Variants in ITPR3 observed in about 807,000 individuals in gnomAD.
ITPR3 encodes inositol 1,4,5-trisphosphate-gated calcium channel ITPR3.
A neutral mutation model predicts 293.2 loss-of-function variants in ITPR3; 173 were observed. That is an observed-to-expected ratio of 0.59 (90% CI 0.52 to 0.67). ITPR3 has a LOEUF of 0.67. Among genes scored for constraint, ITPR3 ranks in the 30% least tolerant of loss-of-function variants. The pLI, the probability that ITPR3 is intolerant of heterozygous loss-of-function variation, is 0.00. For synonymous variants in ITPR3, 1,295 were observed against 1,444.4 expected (o/e 0.90, Z 2.35); for missense variants, 2,796 against 3,592.1 (o/e 0.78, Z 5.66).
Position 33,687,975 on chromosome 6 carries a change from C to T in ITPR3, c.6265-82C>T, listed in dbSNP as rs904033903. 26 of 1,118,262 alleles carry T rather than the reference C, an allele frequency of 2.3e-5. No individual in the cohort carries two copies. Among genetic ancestry groups the T allele is most frequent in the East Asian group, 2.3e-4 (9 of 39,566 alleles). The allele number at this position is 1,118,262 out of a possible 1,614,324, so 69.3% of individuals were successfully genotyped here. A position where few individuals can be genotyped will look rare whatever the true frequency, so the allele number is the denominator to read the frequency against. On this transcript the variant is annotated intron_variant, in intron 46 of 57. Transcript: ENST00000605930. This position sits in a 1 kb window ranked among gnomAD's most constrained non-coding sequence, Gnocchi z 5.3. ...CGCTGAAGTGTAGTTCAGAGCTAGG[C>T]GAAGGCCTGGGAGGGTGGGGGCTGA... is the stretch of plus-strand genomic sequence containing the variant.
At chr6:33,629,954 C>G (rs11754015) in intron 1 of ITPR3, among the ~76,000 whole-genome samples, 146,171 of 152,084 alleles carry the variant, frequency 0.96, 70,385 homozygotes, top group East Asian at 1. Flanking sequence ...AGCTGGGCAT[C>G]GTGGCACATG....
chr6:33,666,807 G>C lies in ITPR3; in HGVS notation c.1552-322G>C, dbSNP rs939128099. Among the ~76,000 whole-genome samples, 1 of 152,148 alleles carries C rather than the reference G, an allele frequency of 6.6e-6. No individual in the cohort carries two copies. Among genetic ancestry groups the C allele is most frequent in the Non-Finnish European group, 1.5e-5 (1 of 68,036 alleles). On this transcript the variant is annotated intron_variant, in intron 14 of 57. Transcript: ENST00000605930. The surrounding 1 kb of genome is among the most constrained non-coding windows in gnomAD (Gnocchi z 5.1). The stretch of plus-strand genomic sequence containing the variant: ...TCTTAAGCTCTGGCCACAGCGGTCC[G>C]GCCTGCCTTTTCTCTTAGCCTTAGA...
At position 33,688,326 on chromosome 6, in the gene ITPR3, C is replaced by T. The variant is rs1021720336; in HGVS notation, c.6463C>T (p.Leu2155Phe). 6.2e-7 allele frequency: 1 copy of T among 1,614,152 alleles called. No individual in the cohort carries two copies. The highest frequency in any genetic ancestry group is 8.5e-7 in the Non-Finnish European group (1 of 1,180,010). The change falls in exon 48 of 58, where the codon CTC (leucine) becomes TTC (phenylalanine). Residue 2155 changes from leucine to phenylalanine, a missense_variant. Leu to Phe is a conservative substitution (Grantham distance 22). Coordinates refer to ENST00000605930, the MANE Select transcript of ITPR3 (RefSeq NM_002224.4). ...CCTGACGGAGGAAACCAAGCACCGG[C>T]TCTTCACCACTACTGAGCAGGACGA... The part of the protein sequence containing the change: ...QFLTEETKHR[L>F]FTTTEQDEQG...
Position 33,682,570 on chromosome 6 carries a change from T to C in ITPR3, c.4523T>C (p.Leu1508Pro). The change falls in exon 34 of 58, where the codon CTC (leucine) becomes CCC (proline). Residue 1508 changes from leucine to proline, a missense_variant. Leu to Pro is a moderately conservative substitution (Grantham distance 98). Transcript: ENST00000605930. This position sits in a 1 kb window ranked among gnomAD's most constrained non-coding sequence, Gnocchi z 5.4. Reference protein sequence around the residue: ...VVQLLQSTTRLLECPWLQQQH... With the variant: ...VVQLLQSTTRPLECPWLQQQH... ...CAGCTGCTGCAGTCTACCACACGCC[T>C]CCTCGAGTGTCCGTGGCTACAGCAG... The C allele has an allele frequency of 6.3e-7, 1 of 1,589,868 alleles. No homozygotes were observed. The highest frequency in any genetic ancestry group is 8.6e-7 in the Non-Finnish European group (1 of 1,167,880).
rs1488373123 is a variant in ITPR3 at position 33,621,588 on chromosome 6, C to T, written c.-15C>T. 1.9e-6 allele frequency: 3 copies of T among 1,574,484 alleles called. No homozygotes were observed. Among genetic ancestry groups the T allele is most frequent in the African/African-American group, 1.3e-5 (1 of 74,278 alleles). ...TAGGCGCCCCCCACGCCCTGGGCCCCGGAGGGCCGCAGCCATGAGTGAAAT... is the reference window on the plus strand; with the variant it reads ...TAGGCGCCCCCCACGCCCTGGGCCCTGGAGGGCCGCAGCCATGAGTGAAAT... On this transcript the variant is annotated 5_prime_UTR_variant, in exon 1 of 58. Coordinates refer to ENST00000605930, the MANE Select transcript of ITPR3 (RefSeq NM_002224.4). This position sits in a 1 kb window ranked among gnomAD's most constrained non-coding sequence, Gnocchi z 7.7.
At chr6:33,673,772 A>G in intron 23 of ITPR3, 52 bp downstream of exon 23, 2 of 1,600,726 alleles carry the variant, frequency 1.2e-6, no homozygotes, top group Non-Finnish European at 1.7e-6. Flanking sequence ...TCCCAGGGAT[A>G]CACAGCAGTG....
At position 33,671,185 on chromosome 6, in the gene ITPR3, T is replaced by C. The variant is rs371048679; in HGVS notation, c.2607T>C (p.Asn869=). ...LTFEVVSLAH[N]LIYFGFYSFS... ...CGCAGGTGGTCAGCCTGGCGCACAA[T>C]CTCATCTACTTCGGCTTCTACAGCT... The change falls in exon 21 of 58, where the codon AAT becomes AAC. Residue 869 remains asparagine (N), a synonymous_variant. Coordinates refer to ENST00000605930, the MANE Select transcript of ITPR3 (RefSeq NM_002224.4). 4 of 1,613,374 alleles carry C rather than the reference T, an allele frequency of 2.5e-6. No homozygotes were observed. The highest frequency in any genetic ancestry group is 1.7e-6 in the Non-Finnish European group (2 of 1,179,840).
At chr6:33,661,776 C>T (rs1764474398) in intron 7 of ITPR3, among the ~76,000 whole-genome samples, 1 of 151,846 alleles carries the variant, frequency 6.6e-6, no homozygotes, top group East Asian at 1.9e-4. Context: ...GGGTGAATTG[C>T]CTGAGCTTAG....
At chr6:33,681,399 G>C (rs1582155627) in intron 33 of ITPR3, among the ~76,000 whole-genome samples, 1 of 152,190 alleles carries the variant, frequency 6.6e-6, no homozygotes, top group Non-Finnish European at 1.5e-5. Context: ...TGATCATAGT[G>C]ATCTTAGAAC....
chr6:33,664,971 T>C lies in ITPR3; in HGVS notation c.1248+2T>C. 1 of 1,290,394 alleles carries C rather than the reference T, an allele frequency of 7.7e-7. No homozygotes were observed. Among genetic ancestry groups the C allele is most frequent in the Non-Finnish European group, 1.1e-6 (1 of 922,620 alleles). 79.9% of individuals were successfully genotyped at this position (1,290,394 alleles called of 1,614,324 possible). On this transcript the variant is annotated splice_donor_variant, in intron 12 of 57. Transcript: ENST00000605930. LOFTEE classifies it high-confidence loss of function. This position sits in a 1 kb window ranked among gnomAD's most constrained non-coding sequence, Gnocchi z 4.4. ...GAGGAGCGGCCCATCCGGCTCATGGTGCGTGTCCCTGGGGTGGGGGTGGGG... is the reference window on the plus strand; with the variant it reads ...GAGGAGCGGCCCATCCGGCTCATGGCGCGTGTCCCTGGGGTGGGGGTGGGG...
chr6:33,637,631 G>C (rs1763853889), intron 1 of ITPR3, among the ~76,000 whole-genome samples: 1 of 150,334 alleles, frequency 6.7e-6, no homozygotes, highest in African/African-American at 2.5e-5. Context: ...ACTACACCCA[G>C]CGATTTTTTT....
intron 25 of ITPR3, 58 bp from the exon 26 acceptor site, chr6:33,676,710 T>A: frequency 6.3e-7 from 1 of 1,598,822 alleles, no homozygotes; most frequent in South Asian, 1.1e-5. Context: ...GCTGGAGGTC[T>A]CTAAGTGGCA....
At position 33,683,402 on chromosome 6, in the gene ITPR3, G is replaced by A; in HGVS notation, c.4788+5G>A. The A allele has an allele frequency of 2.0e-6, 3 of 1,536,352 alleles. No individual in the cohort carries two copies. The highest frequency in any genetic ancestry group is 2.6e-6 in the Non-Finnish European group (3 of 1,134,536). ...AACATCATTGAGAAGCTGCAGGTGG[G>A]TGTGGGGCTGCCTGGCATCTGCCTC... On this transcript the variant is annotated splice_donor_5th_base_variant and intron_variant, in intron 35 of 57. Transcript: ENST00000605930. This position sits in a 1 kb window ranked among gnomAD's most constrained non-coding sequence, Gnocchi z 4.5.
rs1197603178 is a variant in ITPR3, at chr6:33,686,575, G to A, written c.5979+56G>A. The A allele has an allele frequency of 6.9e-6, 9 of 1,303,390 alleles. No individual in the cohort carries two copies. The Admixed American group carries it at 1.5e-4, about 22-fold the overall frequency. The allele number at this position is 1,303,390 out of a possible 1,614,324, so 80.7% of individuals were successfully genotyped here. On this transcript the variant is annotated intron_variant, in intron 43 of 57. Coordinates refer to ENST00000605930, the MANE Select transcript of ITPR3 (RefSeq NM_002224.4). The stretch of plus-strand genomic sequence containing the variant: ...GGGTGTGCATGTGATGTGCATGCAT[G>A]TATGTGTGACTTGTGTGTCAAGTGT...
chr6:33,650,367 T>C (rs1301226248), intron 2 of ITPR3, among the ~76,000 whole-genome samples: 1 of 152,244 alleles, frequency 6.6e-6, no homozygotes, highest in Non-Finnish European at 1.5e-5. Flanking sequence ...GGAGGATCTA[T>C]GTGAGAGAAA....
Position 33,688,039 on chromosome 6 carries a change from C to T in ITPR3, c.6265-18C>T, listed in dbSNP as rs1765284071. ...TGTGGAGGCTGGGGCCTGACCTCCG[C>T]GCCCTCCCCACCTCCAGCTCAGCCT... On this transcript the variant is annotated intron_variant, in intron 46 of 57. Coordinates refer to ENST00000605930, the MANE Select transcript of ITPR3 (RefSeq NM_002224.4). 6.9e-6 allele frequency: 11 copies of T among 1,601,640 alleles called. No homozygotes were observed. The highest frequency in any genetic ancestry group is 1.1e-5 in the South Asian group (1 of 89,662).
In ITPR3 at chr6:33,632,815, A is replaced by G. The variant is rs2151281640; in HGVS notation, c.90-7669A>G. Among the ~76,000 whole-genome samples, 1 of 152,334 alleles carries G rather than the reference A, an allele frequency of 6.6e-6. No homozygotes were observed. The highest frequency in any genetic ancestry group is 1.9e-4 in the East Asian group (1 of 5,186). ...CTGGTCCTGGAGGGGAGAAGGGGAC[A>G]CACAGGTGTAGACAGGGCTCCTGTC... On this transcript the variant is annotated intron_variant, in intron 1 of 57. Transcript: ENST00000605930. The surrounding 1 kb of genome is among the most constrained non-coding windows in gnomAD (Gnocchi z 4.1).
chr6:33,686,541 G>C (rs1304033928), intron 43 of ITPR3, 22 bp downstream of exon 43: 5 of 1,563,534 alleles, frequency 3.2e-6, no homozygotes, highest in East Asian at 2.2e-5. Context: ...TGGCAGGTGT[G>C]TGAGTGCTGG....
rs764215056 is a variant in ITPR3 at position 33,691,775 on chromosome 6, G to A, written c.7331-26G>A. On this transcript the variant is annotated intron_variant, in intron 53 of 57. Transcript: ENST00000605930. The surrounding 1 kb of genome is among the most constrained non-coding windows in gnomAD (Gnocchi z 4.9). ...TGGGGTAGGAGGAGCAGGCAGCCCG[G>A]GCCTCAGCACACTCTCCGCTTGCAG... The A allele has an allele frequency of 5.6e-6, 9 of 1,613,830 alleles. No homozygotes were observed. Among genetic ancestry groups the A allele is most frequent in the Admixed American group, 3.3e-5 (2 of 60,002 alleles).
Sources: gnomAD v4.1 joint callset for allele counts (sites outside exome capture counted in the v4.1 genomes callset) on GRCh38, gnomAD v4.1.1 for gene constraint, Gnocchi (gnomAD v3.1) non-coding constraint, MANE v1.5 for transcripts, NCBI Gene and HGNC (gene_info 2026-07-23, HGNC 2026-07-21) for gene names.